CAPN2: variants seen among roughly 807,000 people sequenced by gnomAD.
CAPN2 encodes calpain-2 catalytic subunit.
In CAPN2, 92 loss-of-function variants were observed where a neutral mutation model predicts 102.3. The ratio of observed to expected loss-of-function variants is 0.90; its 90% CI spans 0.76 to 1.07. The LOEUF is 1.07. Ranked by LOEUF, CAPN2 falls within the 50% of genes least tolerant of loss-of-function variation. The pLI, the probability that CAPN2 is intolerant of heterozygous loss-of-function variation, is 0.00. For missense variants in CAPN2, 800 were observed against 909.4 expected (o/e 0.88, Z 1.55); for synonymous variants, 340 against 355.4 (o/e 0.96, Z 0.49).
intron 1 of CAPN2, among the ~76,000 whole-genome samples, chr1:223,706,908 C>T (rs1264269213): frequency 3.3e-5 from 5 of 151,982 alleles, no homozygotes; most frequent in Middle Eastern, 3.4e-3. Context: ...GGCGAAACCC[C>T]GTCTCTATTA....
chr1:223,757,425 C>T (rs771302879), intron 11 of CAPN2, 45 bp downstream of exon 11: 22 of 1,611,488 alleles, frequency 1.4e-5, no homozygotes, highest in Middle Eastern at 1.6e-4. Flanking sequence ...ACCAAAAAAG[C>T]GAGAGGCTTA....
Position 223,775,334 on chromosome 1 carries a change from T to G in CAPN2, c.*477T>G, listed in dbSNP as rs559732366. 1 of 160,914 alleles carries G rather than the reference T, an allele frequency of 6.2e-6. No homozygotes were observed. Among genetic ancestry groups the G allele is most frequent in the South Asian group, 1.8e-4 (1 of 5,502 alleles). The allele number at this position is 160,914 out of a possible 1,614,324, so 10.0% of individuals were successfully genotyped here. A position where few individuals can be genotyped will look rare whatever the true frequency, so the allele number is the denominator to read the frequency against. On this transcript the variant is annotated 3_prime_UTR_variant, in exon 21 of 21. Coordinates refer to ENST00000295006, the MANE Select transcript of CAPN2 (RefSeq NM_001748.5). ...AACAGTCCAAGATTACCATTTCCCATGAGCCAACTGGGAAACATGGTATAT... is the reference window on the plus strand; with the variant it reads ...AACAGTCCAAGATTACCATTTCCCAGGAGCCAACTGGGAAACATGGTATAT...
chr1:223,713,757 G>A (rs1037049488), intron 1 of CAPN2, among the ~76,000 whole-genome samples: 2 of 152,130 alleles, frequency 1.3e-5, no homozygotes, highest in African/African-American at 4.8e-5. Context: ...AGCCTCCCAG[G>A]TCACCTTCTG....
intron 16 of CAPN2, 77 bp downstream of exon 16, chr1:223,766,508 C>A: frequency 8.7e-7 from 1 of 1,148,256 alleles, no homozygotes; most frequent in Non-Finnish European, 1.3e-6. Context: ...AAACACATGG[C>A]CTTCTCCCTT....
chr1:223,703,257 C>T (rs1659526292), intron 1 of CAPN2, among the ~76,000 whole-genome samples: 2 of 152,236 alleles, frequency 1.3e-5, no homozygotes, highest in Middle Eastern at 3.4e-3. Context: ...AATGACAAGA[C>T]CTATCTTATA....
rs9804140 is a variant in CAPN2 at position 223,759,379 on chromosome 1, A to G, written c.1427A>G (p.Lys476Arg). The G allele has an allele frequency of 0.012, 18,902 of 1,614,190 alleles. 1,186 individuals are homozygous for G. The African/African-American group carries it at 0.15, about 13-fold the overall frequency. ...INLREVLNRFKLPPGEYILVP... is the reference protein window; with the variant it reads ...INLREVLNRFRLPPGEYILVP... ...CTCCGGGAGGTGCTCAACCGCTTCA[A>G]GCTGCCGCCAGGAGAGTACATTCTC... The change falls in exon 12 of 21, where the codon AAG becomes AGG. Residue 476 changes from lysine (K) to arginine (R), a missense_variant. Lys to Arg is a conservative substitution (Grantham distance 26). Coordinates refer to ENST00000295006, the MANE Select transcript of CAPN2 (RefSeq NM_001748.5). The surrounding 1 kb of genome is among the most constrained non-coding windows in gnomAD (Gnocchi z 4.6).
At position 223,703,484 on chromosome 1, in the gene CAPN2, A is replaced by G. The variant is rs563981950; in HGVS notation, c.3+1653A>G. Among the ~76,000 whole-genome samples the G allele has an allele frequency of 7.9e-5, 12 of 152,316 alleles. No individual in the cohort carries two copies. In the South Asian group the frequency reaches 2.5e-3, roughly 32 times the overall value. ...AGGCTGCTCCAGCCAATGACAACAC[A>G]GTAGAGGTACTGGGCTGGCCATTTC... On this transcript the variant is annotated intron_variant, in intron 1 of 20. Coordinates refer to the CAPN2 transcript ENST00000433674.
At position 223,766,402 on chromosome 1, in the gene CAPN2, A is replaced by G. The variant is rs762835478; in HGVS notation, c.1726A>G (p.Thr576Ala). 1.2e-6 allele frequency: 2 copies of G among 1,613,910 alleles called. No homozygotes were observed. The highest frequency in any genetic ancestry group is 1.7e-5 in the Admixed American group (1 of 60,034). Reference sequence around the variant, plus strand: ...CAAGTCAGATGGCTTCAGCATCGAGACATGCAAAATTATGGTTGACATGCT... The same window carrying G: ...CAAGTCAGATGGCTTCAGCATCGAGGCATGCAAAATTATGGTTGACATGCT... ...DIKSDGFSIE[T>A]CKIMVDMLDS... Residue 576 changes from threonine (T) to alanine (A), a missense_variant, in exon 16 of 21, where the codon ACA (threonine) becomes GCA (alanine). Transcript: ENST00000295006.
At position 223,745,406 on chromosome 1, in the gene CAPN2, T is replaced by C; in HGVS notation, c.527T>C (p.Phe176Ser). ...LFVHSAEGSE[F>S]WSALLEKAYA... is the part of the protein sequence containing the mutation. ...GTGCATTCAGCCGAAGGGAGCGAGTTCTGGAGCGCCCTGCTGGAGAAGGCA... is the reference window on the plus strand; with the variant it reads ...GTGCATTCAGCCGAAGGGAGCGAGTCCTGGAGCGCCCTGCTGGAGAAGGCA... The change falls in exon 4 of 21, where the codon TTC becomes TCC. Residue 176 changes from phenylalanine (F) to serine (S), a missense_variant. Transcript: ENST00000295006. The C allele has an allele frequency of 6.2e-7, 1 of 1,614,176 alleles. No homozygotes were observed. Among genetic ancestry groups the C allele is most frequent in the Non-Finnish European group, 8.5e-7 (1 of 1,180,026 alleles).
intron 1 of CAPN2, among the ~76,000 whole-genome samples, chr1:223,706,042 C>T (rs1659597656): frequency 6.6e-6 from 1 of 152,172 alleles, no homozygotes; most frequent in African/African-American, 2.4e-5. Flanking sequence ...ATGAAAACCT[C>T]TCTGGGAGAT....
intron 9 of CAPN2, 38 bp downstream of exon 9, chr1:223,752,994 G>A (rs771780081): frequency 9.4e-6 from 15 of 1,597,446 alleles, no homozygotes; most frequent in Admixed American, 8.4e-5. Flanking sequence ...TGCAATGCGG[G>A]GCCACCAAAG....
Position 223,755,384 on chromosome 1 carries a change from C to A in CAPN2, c.1136-96C>A. Reference sequence around the variant, plus strand: ...TCCCACCATCTCCCTTTATCTCCATCCCTCTCAGAAGCCTCCAAGCCTGAG... The same window carrying A: ...TCCCACCATCTCCCTTTATCTCCATACCTCTCAGAAGCCTCCAAGCCTGAG... On this transcript the variant is annotated intron_variant, in intron 9 of 20. Coordinates refer to ENST00000295006, the MANE Select transcript of CAPN2 (RefSeq NM_001748.5). The surrounding 1 kb of genome is among the most constrained non-coding windows in gnomAD (Gnocchi z 4.1). The A allele has an allele frequency of 8.3e-7, 1 of 1,209,396 alleles. No individual in the cohort carries two copies. The highest frequency in any genetic ancestry group is 1.2e-6 in the Non-Finnish European group (1 of 843,074). 74.9% of individuals were successfully genotyped at this position (1,209,396 alleles called of 1,614,324 possible).
intron 14 of CAPN2, among the ~76,000 whole-genome samples, chr1:223,763,253 A>G (rs1478504526): frequency 1.3e-5 from 2 of 151,766 alleles, no homozygotes; most frequent in South Asian, 2.1e-4. Context: ...GAACTTTCCA[A>G]TCATTGAGCT....
rs1661603013 is a variant in CAPN2 at position 223,775,741 on chromosome 1, CCT to C, written c.*885_*886del. The C allele has an allele frequency of 6.6e-6, 1 of 152,560 alleles. No individual in the cohort carries two copies. The highest frequency in any genetic ancestry group is 6.6e-5 in the Admixed American group (1 of 15,264). 9.5% of individuals were successfully genotyped at this position (152,560 alleles called of 1,614,324 possible). On this transcript the variant is annotated 3_prime_UTR_variant, in exon 21 of 21. Coordinates refer to ENST00000295006, the MANE Select transcript of CAPN2 (RefSeq NM_001748.5). ...GACACAAGTTTGTTTCCTGGCTTTA[CCT>C]TGGGAAAATGCTAGCAACATTATAG...
chr1:223,746,543 T>C (rs1660755232), intron 4 of CAPN2, among the ~76,000 whole-genome samples: 1 of 146,852 alleles, frequency 6.8e-6, no homozygotes, highest in African/African-American at 2.6e-5. Flanking sequence ...AGCGGCATGA[T>C]CTCAGCTCAC....
chr1:223,703,274 T>C (rs78721184), intron 1 of CAPN2, among the ~76,000 whole-genome samples: 10,398 of 152,204 alleles, frequency 0.068, 869 homozygotes, highest in East Asian at 0.18. Context: ...TATAGGGCTA[T>C]TCTGAGGATT....
At position 223,752,783 on chromosome 1, in the gene CAPN2, C is replaced by A; in HGVS notation, c.975-13C>A. On this transcript the variant is annotated splice_polypyrimidine_tract_variant and intron_variant, in intron 8 of 20. Transcript: ENST00000295006. ...TTCTTATCACCTGTGATGATTGTCT[C>A]TGCTTTTGCCAGGATGTCTTTCAGT... The A allele has an allele frequency of 1.2e-6, 2 of 1,613,820 alleles. No individual in the cohort carries two copies. Among genetic ancestry groups the A allele is most frequent in the African/African-American group, 1.3e-5 (1 of 75,030 alleles).
rs538485183 is a variant in CAPN2 at position 223,765,502 on chromosome 1, C to G, written c.1691-865C>G. On this transcript the variant is annotated intron_variant, in intron 15 of 20. Transcript: ENST00000295006. ...TGAGGAGACTAAAGCCTCATTGTTT[C>G]TGCACAGATGGAGGGTGGGGCTGGG... Among the ~76,000 whole-genome samples the G allele has an allele frequency of 3.9e-5, 6 of 152,318 alleles. No individual in the cohort carries two copies. In the South Asian group the frequency reaches 1.2e-3, roughly 32 times the overall value.
In CAPN2 at chr1:223,755,185, C is replaced by T. The variant is rs115158506; in HGVS notation, c.1136-295C>T. On this transcript the variant is annotated intron_variant, in intron 9 of 20. Coordinates refer to ENST00000295006, the MANE Select transcript of CAPN2 (RefSeq NM_001748.5). The surrounding 1 kb of genome is among the most constrained non-coding windows in gnomAD (Gnocchi z 4.1). The stretch of plus-strand genomic sequence containing the variant: ...CCTGCCGTCTCTGACCATCTTCTGC[C>T]ATCCTCTGCCATCTCCCACCATCTC... Among the ~76,000 whole-genome samples the T allele has an allele frequency of 6.6e-6, 1 of 152,098 alleles. No individual in the cohort carries two copies. Among genetic ancestry groups the T allele is most frequent in the Non-Finnish European group, 1.5e-5 (1 of 68,012 alleles).
Sources: gnomAD v4.1 joint callset for allele counts (sites outside exome capture counted in the v4.1 genomes callset) on GRCh38, gnomAD v4.1.1 for gene constraint, Gnocchi (gnomAD v3.1) non-coding constraint, MANE v1.5 for transcripts, NCBI Gene and HGNC (gene_info 2026-07-23, HGNC 2026-07-21) for gene names.